The following GPR35 variants were observed in gnomAD, a reference collection of about 807,000 sequenced individuals.
GPR35 encodes the protein KYNA receptor.
For synonymous variants in GPR35, 207 were observed against 198.4 expected, an observed-to-expected ratio of 1.04 and a Z score of -0.36; for missense variants, 372 against 422.5, an observed-to-expected ratio of 0.88 and a Z score of 1.05.
chr2:240,622,652 A>G (rs2125482958), upstream of GPR35, among the ~76,000 whole-genome samples: 1 of 152,350 alleles, frequency 6.6e-6, no homozygotes, highest in East Asian at 1.9e-4. Context: ...TCCCCTAGAT[A>G]GGGCTGCAGG....
chr2:240,624,105 T>A (rs183160450), upstream of GPR35, among the ~76,000 whole-genome samples: 2 of 152,092 alleles, frequency 1.3e-5, no homozygotes, highest in Non-Finnish European at 2.9e-5. Flanking sequence ...GAAGGAGCAC[T>A]CCTGGGAGAT....
At chr2:240,616,552 G>A (rs2043239268) in intron 3 of GPR35, 1 of 766,956 alleles carries the variant, frequency 1.3e-6, no homozygotes, top group Non-Finnish European at 2.4e-6. Flanking sequence ...TTCATCAGCA[G>A]GGCATGCATT....
Position 240,630,964 on chromosome 2 carries a change from A to G in GPR35, c.*82A>G, listed in dbSNP as rs2043441169. On this transcript the variant is annotated 3_prime_UTR_variant, in exon 2 of 2. Transcript: ENST00000407714. The stretch of plus-strand genomic sequence containing the variant: ...GCCAGGGGAAGCTGGAACCAGTAGC[A>G]AGGAGCCCGAGATCAGCCCTGAACT... 2 of 1,236,334 alleles carry G rather than the reference A, an allele frequency of 1.6e-6. No individual in the cohort carries two copies. Among genetic ancestry groups the G allele is most frequent in the Non-Finnish European group, 1.2e-6 (1 of 862,916 alleles). 76.6% of individuals were successfully genotyped at this position (1,236,334 alleles called of 1,614,324 possible).
upstream of GPR35, among the ~76,000 whole-genome samples, chr2:240,623,808 C>T (rs1310446633): frequency 6.6e-6 from 1 of 152,192 alleles, no homozygotes; most frequent in African/African-American, 2.4e-5. Flanking sequence ...GTTTCTTCCC[C>T]AAGTCCACAC....
At position 240,632,681 on chromosome 2, in the gene GPR35, G is replaced by T. The variant is rs2043462977; in HGVS notation, c.*1799G>T. Among the ~76,000 whole-genome samples the T allele has an allele frequency of 6.6e-6, 1 of 151,160 alleles. No homozygotes were observed. Among genetic ancestry groups the T allele is most frequent in the South Asian group, 2.1e-4 (1 of 4,782 alleles). On this transcript the variant is annotated 3_prime_UTR_variant, in exon 2 of 2. Transcript: ENST00000407714. ...GCCCATGAGGGTCCATGCCCAGTAA[G>T]GGCCATGCCCATGAGATCCTCATGC...
chr2:240,617,422 T>C, intron 4 of GPR35: 1 of 602,754 alleles, frequency 1.7e-6, no homozygotes. Context: ...AATAGGTAGC[T>C]GACAATGCAC....
upstream of GPR35, among the ~76,000 whole-genome samples, chr2:240,621,951 C>T (rs2043300573): frequency 6.6e-6 from 1 of 152,188 alleles, no homozygotes; most frequent in South Asian, 2.1e-4. Flanking sequence ...CAGCTCATTG[C>T]AATCTCTGCC....
At position 240,630,084 on chromosome 2, in the gene GPR35, G is replaced by C. The variant is rs762856000; in HGVS notation, c.132G>C (p.Val44=). The change falls in exon 2 of 2, where the codon GTG becomes GTC. Residue 44 remains valine (V), a synonymous_variant. Transcript: ENST00000407714. ...GLLLNSLALW[V]FCCRMQQWTE... is the part of the protein sequence containing the mutation. ...TGCTCAACAGCCTGGCGCTCTGGGT[G>C]TTCTGCTGCCGCATGCAGCAGTGGA... The C allele has an allele frequency of 1.2e-6, 2 of 1,610,772 alleles. No individual in the cohort carries two copies. Among genetic ancestry groups the C allele is most frequent in the East Asian group, 4.5e-5 (2 of 44,888 alleles).
At chr2:240,617,339 G>C (rs2043249375) in exon 4 of GPR35, 14 of 687,858 alleles carry the variant, frequency 2.0e-5, no homozygotes. Flanking sequence ...CCGAATTCCT[G>C]ACCCACAGGA....
At chr2:240,615,103 G>T (rs1559434171) in intron 2 of GPR35, among the ~76,000 whole-genome samples, 1 of 150,332 alleles carries the variant, frequency 6.7e-6, no homozygotes, top group Non-Finnish European at 1.5e-5. Flanking sequence ...GTGTGTGTAT[G>T]TATATGCCTG....
chr2:240,614,401 C>G lies in GPR35; in HGVS notation c.-576-1987C>G, dbSNP rs115070994. 8.1e-3 allele frequency among the ~76,000 whole-genome samples: 1,233 copies of G among 152,356 alleles called. 16 individuals are homozygous for G. Among genetic ancestry groups the G allele is most frequent in the African/African-American group, 0.028 (1,170 of 41,576 alleles). On this transcript the variant is annotated intron_variant, in intron 2 of 5. Transcript: ENST00000319838. ...CTCTTCAGCCAATGTCAGACCTCAC[C>G]TTAACCGTCACCTTCACGATCACCA...
chr2:240,607,416 C>T (rs894663862), intron 2 of GPR35: 2 of 152,002 alleles, frequency 1.3e-5, no homozygotes, highest in African/African-American at 2.4e-5. Context: ...GTCTCAAACG[C>T]CTGGACTCCA....
At chr2:240,625,611 G>A in intron 1 of GPR35, 43 bp downstream of exon 1, 1 of 897,336 alleles carries the variant, frequency 1.1e-6, no homozygotes, top group Non-Finnish European at 1.3e-6. Context: ...AGCGGGGCAG[G>A]GGCATGGTGG....
chr2:240,623,044 G>A (rs1336537995), upstream of GPR35, among the ~76,000 whole-genome samples: 1 of 119,260 alleles, frequency 8.4e-6, no homozygotes, highest in African/African-American at 4.4e-5. Flanking sequence ...AGCAGCAGAG[G>A]ACCCCAGGCG....
At chr2:240,623,936 G>GC (rs759049743), upstream of GPR35, among the ~76,000 whole-genome samples, 3 of 145,044 alleles carry the variant, frequency 2.1e-5, no homozygotes, top group Non-Finnish European at 4.6e-5. Context: ...GGGACGGGGT[G>GC]CCCCAGGCCA....
upstream of GPR35, among the ~76,000 whole-genome samples, chr2:240,624,877 G>A (rs2043351336): frequency 6.6e-6 from 1 of 152,154 alleles, no homozygotes; most frequent in Admixed American, 6.5e-5. Flanking sequence ...TGAGGGGGTG[G>A]GCTTGGAGGA....
chr2:240,624,111 G>A (rs2043340944), upstream of GPR35, among the ~76,000 whole-genome samples: 1 of 152,174 alleles, frequency 6.6e-6, no homozygotes, highest in African/African-American at 2.4e-5. Context: ...GCACTCCTGG[G>A]AGATGCCGTG....
upstream of GPR35, among the ~76,000 whole-genome samples, chr2:240,622,911 G>A (rs973455200): frequency 5.9e-5 from 9 of 152,370 alleles, no homozygotes; most frequent in Admixed American, 1.3e-4. Flanking sequence ...CCAGTTCTCC[G>A]CAGAGGGCCA....
intron 1 of GPR35, among the ~76,000 whole-genome samples, chr2:240,625,900 T>C (rs368007390): frequency 3.5e-4 from 18 of 51,338 alleles, no homozygotes; most frequent in South Asian, 7.3e-4. Context: ...GGTCTCAGAG[T>C]GGGGTGAGGC....
Sources: allele counts gnomAD v4.1 joint callset (sites outside exome capture counted in the v4.1 genomes callset), GRCh38; gene constraint gnomAD v4.1.1; transcripts MANE v1.5; gene names NCBI Gene and HGNC (gene_info 2026-07-23, HGNC 2026-07-21).